RBFOX1: variants seen among roughly 807,000 people sequenced by gnomAD.
RBFOX1 encodes RNA binding protein fox-1 homolog 1.
RBFOX1 carries 8 observed loss-of-function variants against 57.7 expected under a neutral mutation model. The observed-to-expected ratio is 0.14, with a 90% CI of 0.08 to 0.25. The LOEUF (loss-of-function observed/expected upper bound fraction) is 0.25, where lower values mean the gene tolerates loss of function less well. RBFOX1 is among the 10% of genes least tolerant of loss of function. RBFOX1 has a pLI of 1.00. For synonymous variants in RBFOX1, 326 were observed against 222.4 expected, an observed-to-expected ratio of 1.47 and a Z score of -4.15; for missense variants, 611 against 548.5, an observed-to-expected ratio of 1.11 and a Z score of -1.14.
At chr16:6,801,053 C>T (rs116795316) in intron 3 of RBFOX1, among the ~76,000 whole-genome samples, 1 of 151,982 alleles carries the variant, frequency 6.6e-6, no homozygotes, top group Non-Finnish European at 1.5e-5. Flanking sequence ...TGAACATGCA[C>T]AAAAATCAGA....
chr16:6,732,894 C>G (rs1203705427), intron 3 of RBFOX1, among the ~76,000 whole-genome samples: 1 of 152,048 alleles, frequency 6.6e-6, no homozygotes, highest in Non-Finnish European at 1.5e-5. Context: ...GTTTGTTGAT[C>G]CTTGTGTTAT....
intron 1 of RBFOX1, among the ~76,000 whole-genome samples, chr16:6,285,888 G>T (rs569694404): frequency 1.3e-5 from 2 of 152,230 alleles, no homozygotes; most frequent in East Asian, 1.9e-4. Flanking sequence ...AAGAAGGAAC[G>T]CAACAATAAA....
intron 1 of RBFOX1, among the ~76,000 whole-genome samples, chr16:5,443,030 C>T (rs1192434940): frequency 6.6e-6 from 1 of 152,080 alleles, no homozygotes; most frequent in Non-Finnish European, 1.5e-5. Context: ...GTGCCAGGAG[C>T]CACTAGAGAC....
At chr16:7,029,490 T>C (rs1215486713) in intron 3 of RBFOX1, among the ~76,000 whole-genome samples, 1 of 151,684 alleles carries the variant, frequency 6.6e-6, no homozygotes, top group Non-Finnish European at 1.5e-5. Flanking sequence ...GGTGACAAAG[T>C]CAGTGTTGGT....
chr16:5,841,478 A>C (rs535916643), intron 3 of RBFOX1, among the ~76,000 whole-genome samples: 1 of 152,352 alleles, frequency 6.6e-6, no homozygotes, highest in African/African-American at 2.4e-5. Flanking sequence ...CCCTCCCACA[A>C]AAAATTGCCA....
At chr16:6,085,718 G>A (rs189523459) in intron 1 of RBFOX1, among the ~76,000 whole-genome samples, 1 of 152,294 alleles carries the variant, frequency 6.6e-6, no homozygotes, top group East Asian at 1.9e-4. Flanking sequence ...GGATGATGCA[G>A]CCCGTGGCGC....
chr16:5,834,393 G>T (rs1009364756), intron 3 of RBFOX1, among the ~76,000 whole-genome samples: 3 of 152,098 alleles, frequency 2.0e-5, no homozygotes, highest in African/African-American at 7.2e-5. Context: ...TAGAATAATG[G>T]CCTCTAGTTC....
intron 1 of RBFOX1, among the ~76,000 whole-genome samples, chr16:6,211,267 C>T (rs1453943633): frequency 1.1e-4 from 12 of 110,374 alleles, no homozygotes; most frequent in Admixed American, 1.4e-4. Flanking sequence ...CTCGCTTTGT[C>T]GCCCAGGCTG....
chr16:6,254,870 C>T (rs186978088), intron 1 of RBFOX1, among the ~76,000 whole-genome samples: 1 of 152,202 alleles, frequency 6.6e-6, no homozygotes, highest in Admixed American at 6.5e-5. Flanking sequence ...TTACATGGTG[C>T]AACAACTTTT....
At chr16:6,076,535 A>G (rs960136019) in intron 1 of RBFOX1, among the ~76,000 whole-genome samples, 10 of 152,030 alleles carry the variant, frequency 6.6e-5, no homozygotes, top group Non-Finnish European at 1.5e-4. Context: ...TGGTGCGATC[A>G]TAGCTCACTG....
intron 3 of RBFOX1, among the ~76,000 whole-genome samples, chr16:7,030,173 T>C (rs2042423073): frequency 6.6e-6 from 1 of 152,186 alleles, no homozygotes; most frequent in Admixed American, 6.5e-5. Context: ...TGTTCTGAGA[T>C]ATGTCCTGAT....
At chr16:6,648,989 C>G (rs1466270549) in intron 2 of RBFOX1, among the ~76,000 whole-genome samples, 1 of 152,084 alleles carries the variant, frequency 6.6e-6, no homozygotes, top group Non-Finnish European at 1.5e-5. Flanking sequence ...ACTTTCTTAG[C>G]AATTTTCAAG....
chr16:5,923,514 T>G (rs1440732940), intron 4 of RBFOX1, among the ~76,000 whole-genome samples: 1 of 149,774 alleles, frequency 6.7e-6, no homozygotes. Context: ...CTAGATCATC[T>G]GTCTCCAGAG....
At chr16:6,195,962 TTA>T (rs2097177434) in intron 1 of RBFOX1, among the ~76,000 whole-genome samples, 1 of 152,088 alleles carries the variant, frequency 6.6e-6, no homozygotes, top group Non-Finnish European at 1.5e-5. Flanking sequence ...TGGGTGGAAT[TTA>T]AATAGAAGTC....
At chr16:7,248,479 A>T (rs998902886) in intron 4 of RBFOX1, among the ~76,000 whole-genome samples, 1 of 152,176 alleles carries the variant, frequency 6.6e-6, no homozygotes, top group Non-Finnish European at 1.5e-5. Context: ...AGAGACTTTC[A>T]CGCTTACACT....
chr16:5,662,301 C>G (rs2049680723), intron 3 of RBFOX1, among the ~76,000 whole-genome samples: 1 of 152,068 alleles, frequency 6.6e-6, no homozygotes, highest in African/African-American at 2.4e-5. Context: ...TATTGAAGAG[C>G]TTTTGTTTGT....
chr16:6,932,817 G>A (rs958080166), intron 3 of RBFOX1, among the ~76,000 whole-genome samples: 2 of 152,142 alleles, frequency 1.3e-5, no homozygotes, highest in Non-Finnish European at 1.5e-5. Context: ...ACACTGTTGT[G>A]TAACCATGGC....
At chr16:6,098,078 GC>G (rs1419326909) in intron 1 of RBFOX1, among the ~76,000 whole-genome samples, 2 of 152,178 alleles carry the variant, frequency 1.3e-5, no homozygotes, top group Non-Finnish European at 2.9e-5. Flanking sequence ...AGAGAAGTGT[GC>G]ATGTACTTGA....
At chr16:5,731,738 G>A (rs945803701) in intron 3 of RBFOX1, among the ~76,000 whole-genome samples, 4 of 152,182 alleles carry the variant, frequency 2.6e-5, no homozygotes, top group African/African-American at 9.7e-5. Context: ...AATGTGGGTA[G>A]GGAGAATAGC....
Sources: allele counts gnomAD v4.1 joint callset (sites outside exome capture counted in the v4.1 genomes callset), GRCh38; gene constraint gnomAD v4.1.1; transcripts MANE v1.5; gene names NCBI Gene and HGNC (gene_info 2026-07-23, HGNC 2026-07-21).